YAP1: variants seen among roughly 807,000 people sequenced by gnomAD.
YAP1 encodes the protein transcriptional coactivator YAP1.
YAP1 carries 5 observed loss-of-function variants against 56.9 expected under a neutral mutation model. The observed-to-expected ratio is 0.09, with a 90% confidence interval of 0.05 to 0.18. YAP1 has a LOEUF of 0.18. YAP1 is among the 10% of genes least tolerant of loss of function. The pLI, the probability that YAP1 is intolerant of heterozygous loss-of-function variation, is 1.00. For synonymous variants in YAP1, 265 were observed against 248.1 expected (o/e 1.07, Z -0.64); for missense variants, 539 against 651.8 (o/e 0.83, Z 1.88).
chr11:102,188,208 A>G (rs991321003), intron 4 of YAP1, among the ~76,000 whole-genome samples: 1 of 152,202 alleles, frequency 6.6e-6, no homozygotes, highest in African/African-American at 2.4e-5. Flanking sequence ...GGGCCATACA[A>G]ACACAAACAA....
At chr11:102,198,810 A>G (rs1948698630) in intron 4 of YAP1, among the ~76,000 whole-genome samples, 1 of 152,162 alleles carries the variant, frequency 6.6e-6, no homozygotes. Flanking sequence ...CTGTGTGGAA[A>G]TATGTTGAGT....
At chr11:102,154,888 C>T (rs1167916727) in intron 2 of YAP1, among the ~76,000 whole-genome samples, 1 of 152,168 alleles carries the variant, frequency 6.6e-6, no homozygotes, top group Non-Finnish European at 1.5e-5. Context: ...TCCCTCACAG[C>T]AGACATGTGA....
At chr11:102,154,003 CCTTTTTATTAATTT>C (rs1487212723) in intron 2 of YAP1, among the ~76,000 whole-genome samples, 3 of 152,098 alleles carry the variant, frequency 2.0e-5, no homozygotes, top group Non-Finnish European at 2.9e-5. Context: ...TACAGTATAA[CCTTTTTATTAATTT>C]CTTTTTAATG....
chr11:102,168,090 T>C (rs1026119697), intron 3 of YAP1, among the ~76,000 whole-genome samples: 1 of 152,190 alleles, frequency 6.6e-6, no homozygotes, highest in African/African-American at 2.4e-5. Flanking sequence ...TAATAGCCTT[T>C]TGATGCCTGC....
chr11:102,216,686 A>G (rs1427794029), intron 6 of YAP1, among the ~76,000 whole-genome samples: 1 of 152,198 alleles, frequency 6.6e-6, no homozygotes, highest in African/African-American at 2.4e-5. Context: ...ATCTCTAAGA[A>G]GTTTTTGGAT....
chr11:102,217,962 A>G lies in YAP1; in HGVS notation c.1033-5660A>G, dbSNP rs113270757. Among the ~76,000 whole-genome samples, 232 of 152,152 alleles carry G rather than the reference A, an allele frequency of 1.5e-3. 2 individuals carry two copies. Among genetic ancestry groups the G allele is most frequent in the African/African-American group, 5.3e-3 (220 of 41,496 alleles). On this transcript the variant is annotated intron_variant, in intron 6 of 8. Transcript: ENST00000282441. The stretch of plus-strand genomic sequence containing the variant: ...GTGATCTGCCCACCTCACCCTCCCA[A>G]AGTGCTGGGATTACAGGTGTGAGCC...
At chr11:102,181,897 T>G (rs1947646663) in intron 3 of YAP1, among the ~76,000 whole-genome samples, 1 of 152,210 alleles carries the variant, frequency 6.6e-6, no homozygotes, top group African/African-American at 2.4e-5. Context: ...TCTGGCTCAC[T>G]GCAACCTCCA....
At chr11:102,209,496 C>T (rs75221910) in intron 5 of YAP1, 21 bp from the exon 6 acceptor site, 31 of 1,598,658 alleles carry the variant, frequency 1.9e-5, no homozygotes, top group Non-Finnish European at 2.4e-5. Flanking sequence ...AATTTTTATC[C>T]GTCTTATTTT....
At chr11:102,219,786 CAG>C (rs1243072605) in intron 6 of YAP1, among the ~76,000 whole-genome samples, 2 of 151,836 alleles carry the variant, frequency 1.3e-5, no homozygotes, top group African/African-American at 4.8e-5. Context: ...TGTTTTGAGA[CAG>C]AGTCTCGCTC....
At chr11:102,226,049 G>C (rs1313880584) in intron 7 of YAP1, among the ~76,000 whole-genome samples, 1 of 152,224 alleles carries the variant, frequency 6.6e-6, no homozygotes. Flanking sequence ...GCGCAACTCT[G>C]TAAGTTCAGT....
At chr11:102,143,229 A>G (rs1479093483) in intron 2 of YAP1, among the ~76,000 whole-genome samples, 2 of 152,182 alleles carry the variant, frequency 1.3e-5, no homozygotes. Flanking sequence ...CTCATATGGC[A>G]TACTTATTCA....
intron 4 of YAP1, 156 bp downstream of exon 4, chr11:102,186,287 T>C: frequency 1.2e-6 from 1 of 833,236 alleles, no homozygotes. Context: ...TTTTTATCCT[T>C]CTCATTGTAA....
At chr11:102,117,100 AACAG>A (rs1183629762) in intron 2 of YAP1, among the ~76,000 whole-genome samples, 3 of 152,204 alleles carry the variant, frequency 2.0e-5, no homozygotes, top group African/African-American at 7.2e-5. Context: ...TTGTGTACTG[AACAG>A]ACAAATGAGA....
intron 2 of YAP1, among the ~76,000 whole-genome samples, chr11:102,145,100 T>G (rs1274641399): frequency 6.6e-6 from 1 of 152,340 alleles, no homozygotes; most frequent in East Asian, 1.9e-4. Flanking sequence ...TGAATTATTC[T>G]GCAGGAGTAT....
chr11:102,193,411 T>C (rs75290946), intron 4 of YAP1, among the ~76,000 whole-genome samples: 1 of 152,290 alleles, frequency 6.6e-6, no homozygotes, highest in East Asian at 1.9e-4. Context: ...TCAACTATGT[T>C]TTGTGAAATT....
intron 7 of YAP1, among the ~76,000 whole-genome samples, chr11:102,224,542 G>A (rs980691750): frequency 1.3e-5 from 2 of 152,114 alleles, no homozygotes; most frequent in African/African-American, 4.8e-5. Flanking sequence ...ATACTCAAAG[G>A]TATTTTGCAC....
intron 7 of YAP1, among the ~76,000 whole-genome samples, chr11:102,224,137 A>G (rs749600599): frequency 1.3e-5 from 2 of 152,234 alleles, no homozygotes; most frequent in African/African-American, 2.4e-5. Flanking sequence ...GGAATTTTCC[A>G]CATAGCTATT....
intron 1 of YAP1, among the ~76,000 whole-genome samples, chr11:102,113,898 A>AT (rs1168078521): frequency 1.3e-5 from 2 of 152,132 alleles, no homozygotes; most frequent in East Asian, 3.8e-4. Flanking sequence ...AGTGTGGACC[A>AT]GGGGAAATTC....
At chr11:102,227,186 G>A (rs1250907338) in intron 7 of YAP1, 1 of 309,920 alleles carries the variant, frequency 3.2e-6, no homozygotes, top group East Asian at 6.1e-5. Flanking sequence ...ACTAACTGGG[G>A]GTATCTTTTT....
Sources: gnomAD v4.1 joint callset for allele counts (sites outside exome capture counted in the v4.1 genomes callset) on GRCh38, gnomAD v4.1.1 for gene constraint, MANE v1.5 for transcripts, NCBI Gene and HGNC (gene_info 2026-07-23, HGNC 2026-07-21) for gene names.